MYO1F: variants seen among roughly 807,000 people sequenced by gnomAD.
MYO1F encodes the protein myosin IF.
Under a neutral mutation model 146.6 loss-of-function variants are expected in MYO1F, and 60 were observed. The ratio of observed to expected loss-of-function variants is 0.41; its 90% CI spans 0.33 to 0.51. The LOEUF (loss-of-function observed/expected upper bound fraction) is 0.51, where lower values mean the gene tolerates loss of function less well. Ranked by LOEUF, MYO1F falls within the 20% of genes least tolerant of loss-of-function variation. The pLI, the probability that MYO1F is intolerant of heterozygous loss-of-function variation, is 0.25. For synonymous variants in MYO1F, 602 were observed against 602.1 expected (o/e 1.00, Z 0.00); for missense variants, 1,274 against 1,534.3 (o/e 0.83, Z 2.83).
At chr19:8,535,625 T>G (rs529726990) in intron 19 of MYO1F, among the ~76,000 whole-genome samples, 1 of 152,176 alleles carries the variant, frequency 6.6e-6, no homozygotes, top group East Asian at 1.9e-4. Context: ...TTTGGTCTAT[T>G]TCTTCCAGAG....
At chr19:8,574,781 A>T (rs1600075351) in intron 1 of MYO1F, among the ~76,000 whole-genome samples, 6 of 112,356 alleles carry the variant, frequency 5.3e-5, no homozygotes, top group African/African-American at 3.5e-5. Flanking sequence ...TTTGAGATGG[A>T]GCCTCTCTCT....
At chr19:8,571,926 T>G (rs2042117649) in intron 1 of MYO1F, among the ~76,000 whole-genome samples, 1 of 152,040 alleles carries the variant, frequency 6.6e-6, no homozygotes, top group South Asian at 2.1e-4. Flanking sequence ...GGTTTCACTG[T>G]GTTAGCCAGG....
chr19:8,577,350 G>A lies in MYO1F; in HGVS notation c.-41C>T, dbSNP rs1555734062. The A allele has an allele frequency of 6.2e-7, 1 of 1,613,506 alleles. No individual in the cohort carries two copies. The highest frequency in any genetic ancestry group is 1.1e-5 in the South Asian group (1 of 90,996). ...TCTGGGCTCCTGGAGGCTCCTGAAT[G>A]GGTCGTGATGGAGGTGCAGGTTCAG... On this transcript the variant is annotated 5_prime_UTR_variant, in exon 1 of 28. Coordinates refer to ENST00000644032, the MANE Select transcript of MYO1F (RefSeq NM_012335.4). This position sits in a 1 kb window ranked among gnomAD's most constrained non-coding sequence, Gnocchi z 4.3.
At chr19:8,542,608 T>C (rs1973026551) in intron 14 of MYO1F, among the ~76,000 whole-genome samples, 1 of 151,500 alleles carries the variant, frequency 6.6e-6, no homozygotes. Context: ...TGTTTGCTTT[T>C]TTTTTTTTTT....
At chr19:8,522,571 A>G (rs745432463) in intron 26 of MYO1F, 25 bp from the exon 27 acceptor site, 41 of 1,607,498 alleles carry the variant, frequency 2.6e-5, no homozygotes, top group Non-Finnish European at 3.5e-5. Context: ...GGTTTGAGTC[A>G]CAGCCCCAGA....
chr19:8,541,187 C>T (rs1233737931), intron 15 of MYO1F, among the ~76,000 whole-genome samples: 2 of 151,872 alleles, frequency 1.3e-5, no homozygotes, highest in Non-Finnish European at 1.5e-5. Flanking sequence ...GCAGAGTAGA[C>T]AAGCATTTAA....
chr19:8,559,513 C>T (rs1973989187), intron 1 of MYO1F, among the ~76,000 whole-genome samples: 2 of 151,956 alleles, frequency 1.3e-5, no homozygotes, highest in African/African-American at 4.8e-5. Flanking sequence ...ATCGTCTCAT[C>T]TATAAAAAGG....
Position 8,561,779 on chromosome 19 carries a change from C to T in MYO1F, c.4-5983G>A, listed in dbSNP as rs1043373566. 5.3e-5 allele frequency among the ~76,000 whole-genome samples: 8 copies of T among 150,248 alleles called. No homozygotes were observed. In the East Asian group the frequency reaches 5.9e-4, roughly 11 times the overall value. On this transcript the variant is annotated intron_variant, in intron 1 of 27. Coordinates refer to ENST00000644032, the MANE Select transcript of MYO1F (RefSeq NM_012335.4). ...TTGGCCAGGCTGGAGTGTAGTGGCGCGATCTTGGCTCACTGCAAAATCTAC... is the reference window on the plus strand; with the variant it reads ...TTGGCCAGGCTGGAGTGTAGTGGCGTGATCTTGGCTCACTGCAAAATCTAC...
At chr19:8,525,368 A>C in intron 25 of MYO1F, 111 bp downstream of exon 25, 6 of 921,196 alleles carry the variant, frequency 6.5e-6, no homozygotes, top group African/African-American at 1.6e-5. Context: ...AGTCCTGGAC[A>C]GAGAAGTGAG....
Position 8,550,308 on chromosome 19 carries a change from T to C in MYO1F, c.953A>G (p.Gln318Arg), listed in dbSNP as rs753485114. The change falls in exon 10 of 28, where the codon CAG becomes CGG. Residue 318 changes from glutamine to arginine, a missense_variant. Gln to Arg is a conservative substitution (Grantham distance 43). This residue lies in a region of MYO1F where 900 missense variants were observed against 1,155.1 expected (regional missense o/e 0.78). Coordinates refer to ENST00000644032, the MANE Select transcript of MYO1F (RefSeq NM_012335.4). ...CATCTTGCGGCTGGTCAGCTTCTCC[T>C]GCAGTCGCCCGCTGTCAATGCCCAG... ...YLLGIDSGRLQEKLTSRKMDS... is the reference protein window; with the variant it reads ...YLLGIDSGRLREKLTSRKMDS... The C allele has an allele frequency of 2.5e-6, 4 of 1,613,910 alleles. No homozygotes were observed. Among genetic ancestry groups the C allele is most frequent in the Non-Finnish European group, 3.4e-6 (4 of 1,179,950 alleles).
In MYO1F at chr19:8,577,098, C is replaced by T. The variant is rs1402298564; in HGVS notation, c.3+209G>A. 1.5e-6 allele frequency: 1 copy of T among 656,476 alleles called. No individual in the cohort carries two copies. Among genetic ancestry groups the T allele is most frequent in the Admixed American group, 2.3e-5 (1 of 43,342 alleles). The allele number at this position is 656,476 out of a possible 1,614,324, so 40.7% of individuals were successfully genotyped here. A position where few individuals can be genotyped will look rare whatever the true frequency, so the allele number is the denominator to read the frequency against. ...TATCCTTGGATCCAGGGATACCACC[C>T]TGGCATCCCCACCACCTACAGATGG... On this transcript the variant is annotated intron_variant, in intron 1 of 27. Coordinates refer to ENST00000644032, the MANE Select transcript of MYO1F (RefSeq NM_012335.4). The surrounding 1 kb of genome is among the most constrained non-coding windows in gnomAD (Gnocchi z 4.3).
At chr19:8,537,099 G>T in intron 16 of MYO1F, 44 bp from the exon 17 acceptor site, 1 of 1,325,482 alleles carries the variant, frequency 7.5e-7, no homozygotes, top group East Asian at 2.4e-5. Context: ...CACAGAGATG[G>T]GACCCTCTGG....
At position 8,553,058 on chromosome 19, in the gene MYO1F, G is replaced by A. The variant is rs891978334; in HGVS notation, c.504+81C>T. On this transcript the variant is annotated intron_variant, in intron 6 of 27. Coordinates refer to ENST00000644032, the MANE Select transcript of MYO1F (RefSeq NM_012335.4). ...AATGGACTCTTGTCTTGGCAATACGGGTGTGTGTATGTGTGGGTGTGTGTG... is the reference window on the plus strand; with the variant it reads ...AATGGACTCTTGTCTTGGCAATACGAGTGTGTGTATGTGTGGGTGTGTGTG... The A allele has an allele frequency of 3.5e-5, 45 of 1,299,952 alleles. No homozygotes were observed. In the Admixed American group the frequency reaches 7.3e-4, roughly 21 times the overall value. 80.5% of individuals were successfully genotyped at this position (1,299,952 alleles called of 1,614,324 possible).
At chr19:8,549,015 A>G (rs554950420) in intron 10 of MYO1F, among the ~76,000 whole-genome samples, 7 of 151,374 alleles carry the variant, frequency 4.6e-5, no homozygotes, top group South Asian at 2.1e-4. Context: ...CAGTGGCGCA[A>G]TCTCGGCTCA....
rs773560843 is a variant in MYO1F at position 8,552,180 on chromosome 19, C to A, written c.505-16G>T. On this transcript the variant is annotated splice_polypyrimidine_tract_variant and intron_variant, in intron 6 of 27. Transcript: ENST00000644032. ...AGTACTTGCCCTGAATCCGAGAGAACCATGTCAGCACCCCAGTGTCCTGGG... is the reference window on the plus strand; with the variant it reads ...AGTACTTGCCCTGAATCCGAGAGAAACATGTCAGCACCCCAGTGTCCTGGG... The A allele has an allele frequency of 1.4e-5, 22 of 1,613,916 alleles. No homozygotes were observed. The East Asian group carries it at 4.7e-4, about 34-fold the overall frequency.
Position 8,553,315 on chromosome 19 carries a change from C to T in MYO1F, c.414+35G>A, listed in dbSNP as rs181198523. 1.4e-4 allele frequency: 232 copies of T among 1,612,002 alleles called. No homozygotes were observed. The African/African-American group carries it at 2.3e-3, about 16-fold the overall frequency. ...GGCTGCACTACCATGCAGGTGAGGG[C>T]GACCCAGCTTATCCTTCTGTTTTCC... is the stretch of plus-strand genomic sequence containing the variant. On this transcript the variant is annotated intron_variant, in intron 5 of 27. Coordinates refer to ENST00000644032, the MANE Select transcript of MYO1F (RefSeq NM_012335.4).
At chr19:8,552,897 G>A (rs983933996) in intron 6 of MYO1F, among the ~76,000 whole-genome samples, 20 of 152,166 alleles carry the variant, frequency 1.3e-4, no homozygotes, top group African/African-American at 4.3e-4. Flanking sequence ...GGCTGCAGCC[G>A]GGGGAGCATT....
rs184089838 is a variant in MYO1F at position 8,524,612 on chromosome 19, G to A, written c.2854+867C>T. Among the ~76,000 whole-genome samples the A allele has an allele frequency of 8.2e-4, 125 of 151,570 alleles. 1 individual carries two copies. In the East Asian group the frequency reaches 0.019, roughly 23 times the overall value. On this transcript the variant is annotated intron_variant, in intron 25 of 27. Coordinates refer to ENST00000644032, the MANE Select transcript of MYO1F (RefSeq NM_012335.4). ...AAAAAAAAAAAAAGAAAGAATTTTT[G>A]GTAGAGACAGGATCTTGCTATGTTG...
At position 8,539,938 on chromosome 19, in the gene MYO1F, C is replaced by G; in HGVS notation, c.1692+9G>C. 1 of 1,612,582 alleles carries G rather than the reference C, an allele frequency of 6.2e-7. No homozygotes were observed. The highest frequency in any genetic ancestry group is 8.5e-7 in the Non-Finnish European group (1 of 1,179,290). ...AGGCCCAGCTCCCCGTTGTACACCC[C>G]AGGCCCACCTTGATCTTGGAGCCGG... is the stretch of plus-strand genomic sequence containing the variant. On this transcript the variant is annotated intron_variant, in intron 16 of 27. Coordinates refer to ENST00000644032, the MANE Select transcript of MYO1F (RefSeq NM_012335.4).
Sources: allele counts gnomAD v4.1 joint callset (sites outside exome capture counted in the v4.1 genomes callset), GRCh38; gene constraint gnomAD v4.1.1; regional missense constraint gnomAD v4.1.1; non-coding constraint Gnocchi (gnomAD v3.1); transcripts MANE v1.5; gene names NCBI Gene and HGNC (gene_info 2026-07-23, HGNC 2026-07-21).